Variants in EPHA6 observed in about 807,000 individuals in gnomAD.
EPHA6 encodes the protein EPH receptor A6.
In EPHA6, 50 loss-of-function variants were observed where a neutral mutation model predicts 112.0. That is an observed-to-expected ratio of 0.45 (90% CI 0.36 to 0.56). EPHA6 has a LOEUF of 0.56. Among genes scored for constraint, EPHA6 ranks in the 20% least tolerant of loss-of-function variants. The pLI is 0.00. For missense variants in EPHA6, 1,280 were observed against 1,417.4 expected (o/e 0.90, Z 1.56); for synonymous variants, 529 against 490.7 (o/e 1.08, Z -1.03).
intron 6 of EPHA6, among the ~76,000 whole-genome samples, chr3:97,428,284 A>G (rs1475128697): frequency 6.6e-6 from 1 of 152,178 alleles, no homozygotes; most frequent in Non-Finnish European, 1.5e-5. Flanking sequence ...GAAATGATAA[A>G]CAAAATTCAT....
At chr3:96,959,759 T>G (rs552273180) in intron 2 of EPHA6, among the ~76,000 whole-genome samples, 1 of 151,734 alleles carries the variant, frequency 6.6e-6, no homozygotes, top group Admixed American at 6.6e-5. Context: ...AATACATTGC[T>G]CATGAAACAG....
chr3:97,614,660 C>T (rs968481238), intron 13 of EPHA6, among the ~76,000 whole-genome samples: 49 of 152,016 alleles, frequency 3.2e-4, no homozygotes, highest in Non-Finnish European at 6.2e-4. Context: ...CCTATACTTA[C>T]ATTTTTTACA....
intron 3 of EPHA6, among the ~76,000 whole-genome samples, chr3:97,115,558 A>G (rs1012834178): frequency 1.3e-5 from 2 of 151,838 alleles, no homozygotes; most frequent in African/African-American, 2.4e-5. Context: ...GGAAATTTGT[A>G]TCTGTAACTC....
At chr3:96,996,721 A>G (rs1576285447) in intron 3 of EPHA6, among the ~76,000 whole-genome samples, 1 of 152,086 alleles carries the variant, frequency 6.6e-6, no homozygotes, top group South Asian at 2.1e-4. Flanking sequence ...ACTGTCATCA[A>G]CCTTTGTTGT....
chr3:96,909,005 A>G lies in EPHA6; in HGVS notation c.450+42116A>G, dbSNP rs575592342. ...AGGAGCCAAAGGTTTCTTTTGCTTT[A>G]TATTGATTCAATTAGTGAGAAATAT... On this transcript the variant is annotated intron_variant, in intron 2 of 17. Coordinates refer to ENST00000389672, the MANE Select transcript of EPHA6 (RefSeq NM_001080448.3). Among the ~76,000 whole-genome samples the G allele has an allele frequency of 9.9e-5, 15 of 152,100 alleles. No homozygotes were observed. In the South Asian group the frequency reaches 2.9e-3, roughly 29 times the overall value.
intron 5 of EPHA6, among the ~76,000 whole-genome samples, chr3:97,256,999 A>G (rs1399552906): frequency 3.9e-5 from 6 of 152,030 alleles, no homozygotes; most frequent in Admixed American, 2.6e-4. Flanking sequence ...AACCGAAGAG[A>G]TAGTCTTGAA....
chr3:97,532,766 T>A (rs948346201), intron 11 of EPHA6, among the ~76,000 whole-genome samples: 3 of 152,060 alleles, frequency 2.0e-5, no homozygotes, highest in African/African-American at 7.2e-5. Flanking sequence ...ATTCCTAACA[T>A]AACTTAAAGT....
chr3:97,728,663 G>T (rs2034891533), intron 15 of EPHA6, among the ~76,000 whole-genome samples: 1 of 152,040 alleles, frequency 6.6e-6, no homozygotes, highest in Admixed American at 6.6e-5. Context: ...TGAGGTGAAA[G>T]GTACTATTGC....
At chr3:97,618,316 C>A (rs1025250097) in intron 13 of EPHA6, among the ~76,000 whole-genome samples, 6 of 151,892 alleles carry the variant, frequency 4.0e-5, no homozygotes, top group Non-Finnish European at 8.8e-5. Flanking sequence ...ATACCCACCT[C>A]AAAAATCTGG....
intron 15 of EPHA6, among the ~76,000 whole-genome samples, chr3:97,723,637 G>T (rs1354535170): frequency 6.6e-6 from 1 of 152,080 alleles, no homozygotes; most frequent in African/African-American, 2.4e-5. Context: ...GTCTTGACGT[G>T]CATTACCAAA....
intron 2 of EPHA6, among the ~76,000 whole-genome samples, chr3:96,978,879 G>A (rs934893015): frequency 1.3e-5 from 2 of 152,166 alleles, no homozygotes; most frequent in African/African-American, 4.8e-5. Flanking sequence ...CTCCGCAACT[G>A]AATGTATTTG....
intron 3 of EPHA6, among the ~76,000 whole-genome samples, chr3:96,996,805 G>T (rs1375041841): frequency 6.6e-6 from 1 of 152,088 alleles, no homozygotes; most frequent in East Asian, 1.9e-4. Context: ...AATGTAAATG[G>T]GCATTGACTT....
chr3:97,529,880 C>A (rs979955588), intron 10 of EPHA6, among the ~76,000 whole-genome samples: 1 of 151,904 alleles, frequency 6.6e-6, no homozygotes, highest in Non-Finnish European at 1.5e-5. Flanking sequence ...TTTCAGACAA[C>A]AGAAAACAAA....
intron 14 of EPHA6, among the ~76,000 whole-genome samples, chr3:97,703,297 G>T (rs2033500600): frequency 6.6e-6 from 1 of 152,114 alleles, no homozygotes; most frequent in South Asian, 2.1e-4. Flanking sequence ...TATGAGTATA[G>T]CTATCCTCAA....
At chr3:96,880,869 A>G (rs1017896188) in intron 2 of EPHA6, among the ~76,000 whole-genome samples, 1 of 151,920 alleles carries the variant, frequency 6.6e-6, no homozygotes, top group African/African-American at 2.4e-5. Flanking sequence ...CTTCCTTTTT[A>G]TAGTTGAATA....
At position 97,489,377 on chromosome 3, in the gene EPHA6, T is replaced by A. The variant is rs188756265; in HGVS notation, c.2200+5318T>A. Among the ~76,000 whole-genome samples, 16 of 152,308 alleles carry A rather than the reference T, an allele frequency of 1.1e-4. 1 individual carries two copies. The highest frequency in any genetic ancestry group is 1.9e-4 in the Non-Finnish European group (13 of 68,026). ...GAGTTATATCCATGTCAACAAACTC[T>A]TTTTCTTTTTAATTAAAGAAACTCA... is the stretch of plus-strand genomic sequence containing the variant. On this transcript the variant is annotated intron_variant, in intron 10 of 17. Coordinates refer to ENST00000389672, the MANE Select transcript of EPHA6 (RefSeq NM_001080448.3).
Position 97,200,386 on chromosome 3 carries a change from A to G in EPHA6, c.1115-25878A>G, listed in dbSNP as rs183157095. 3.1e-3 allele frequency among the ~76,000 whole-genome samples: 477 copies of G among 152,202 alleles called. 1 individual carries two copies. Among genetic ancestry groups the G allele is most frequent in the African/African-American group, 0.011 (442 of 41,546 alleles). ...CAGACCATACGGCCTCAGGCTTTTC[A>G]TGTATACCATAATGAGAAAAATCCT... On this transcript the variant is annotated intron_variant, in intron 3 of 17. Coordinates refer to ENST00000389672, the MANE Select transcript of EPHA6 (RefSeq NM_001080448.3).
chr3:97,506,069 G>A (rs2092244730), intron 10 of EPHA6, among the ~76,000 whole-genome samples: 1 of 152,094 alleles, frequency 6.6e-6, no homozygotes, highest in Non-Finnish European at 1.5e-5. Context: ...GTTCTTTGTA[G>A]ATTCTGGATA....
At chr3:97,660,670 C>T (rs983754420) in intron 14 of EPHA6, among the ~76,000 whole-genome samples, 1 of 151,966 alleles carries the variant, frequency 6.6e-6, no homozygotes, top group Non-Finnish European at 1.5e-5. Flanking sequence ...CAGAGAGGGC[C>T]CACCAGTACA....
Sources: gnomAD v4.1 joint callset for allele counts (sites outside exome capture counted in the v4.1 genomes callset) on GRCh38, gnomAD v4.1.1 for gene constraint, MANE v1.5 for transcripts, NCBI Gene and HGNC (gene_info 2026-07-23, HGNC 2026-07-21) for gene names.